Variants in PRRX1 observed in about 807,000 individuals in gnomAD.
PRRX1 encodes the protein paired mesoderm homeobox protein 1.
A neutral mutation model predicts 24.0 loss-of-function variants in PRRX1; 8 were observed. The observed-to-expected ratio is 0.33, with a 90% confidence interval of 0.20 to 0.60. The LOEUF (loss-of-function observed/expected upper bound fraction) is 0.60, where lower values mean the gene tolerates loss of function less well. PRRX1 is among the 20% of genes least tolerant of loss of function. The pLI is 0.82. For synonymous variants in PRRX1, 160 were observed against 131.7 expected, an observed-to-expected ratio of 1.22 and a Z score of -1.47; for missense variants, 281 against 322.4, an observed-to-expected ratio of 0.87 and a Z score of 0.98.
intron 1 of PRRX1, chr1:170,667,905 T>A (rs1050606523): frequency 2.6e-5 from 4 of 152,154 alleles, no homozygotes; most frequent in Non-Finnish European, 5.9e-5. Context: ...AATTCCTAAC[T>A]ATAACCTGGG....
intron 1 of PRRX1, among the ~76,000 whole-genome samples, chr1:170,715,139 A>G (rs1430865986): frequency 2.0e-5 from 3 of 152,184 alleles, no homozygotes; most frequent in African/African-American, 7.2e-5. Context: ...TCTGATAAAG[A>G]AACACTGCAA....
rs1027709811 is a variant in PRRX1 at position 170,736,030 on chromosome 1, T to C, written c.600-18T>C. On this transcript the variant is annotated intron_variant, in intron 3 of 3. Coordinates refer to ENST00000239461, the MANE Select transcript of PRRX1 (RefSeq NM_022716.4). ...CTAATGCCTGTTATTCTCCCTGCTC[T>C]CTCCTTTGTCCCTACAGCGCCATGG... 2 of 1,613,720 alleles carry C rather than the reference T, an allele frequency of 1.2e-6. No homozygotes were observed. The highest frequency in any genetic ancestry group is 2.7e-5 in the African/African-American group (2 of 74,890).
chr1:170,711,802 C>A (rs1157776983), intron 1 of PRRX1, among the ~76,000 whole-genome samples: 1 of 152,128 alleles, frequency 6.6e-6, no homozygotes, highest in Non-Finnish European at 1.5e-5. Flanking sequence ...TAGTCAAATA[C>A]CAGGCACTTC....
chr1:170,727,461 T>C (rs1282421214), intron 3 of PRRX1: 1 of 152,226 alleles, frequency 6.6e-6, no homozygotes, highest in South Asian at 2.1e-4. Flanking sequence ...ACCTTTTTAT[T>C]GTCAAGGTTA....
At chr1:170,723,281 T>G (rs1353371193) in intron 2 of PRRX1, among the ~76,000 whole-genome samples, 1 of 152,236 alleles carries the variant, frequency 6.6e-6, no homozygotes, top group Non-Finnish European at 1.5e-5. Context: ...CGTGGTAATT[T>G]ATGTGTATGT....
In PRRX1 at chr1:170,719,918, G is replaced by T; in HGVS notation, c.417+17G>T. 1 of 1,613,484 alleles carries T rather than the reference G, an allele frequency of 6.2e-7. No individual in the cohort carries two copies. Among genetic ancestry groups the T allele is most frequent in the Non-Finnish European group, 8.5e-7 (1 of 1,179,874 alleles). ...AGAGTGCAGGTAACTCAAGCTGTGA[G>T]AGGCTGGCACCAAGTAGTACCCTCC... On this transcript the variant is annotated intron_variant, in intron 2 of 3. Transcript: ENST00000239461.
chr1:170,709,014 G>A (rs1265666096), intron 1 of PRRX1, among the ~76,000 whole-genome samples: 1 of 152,164 alleles, frequency 6.6e-6, no homozygotes, highest in African/African-American at 2.4e-5. Context: ...AATTCTAAGA[G>A]AAGTACCCAA....
intron 3 of PRRX1, among the ~76,000 whole-genome samples, chr1:170,730,008 G>A (rs12409048): frequency 0.22 from 33,030 of 152,168 alleles, 4,433 homozygotes; most frequent in Middle Eastern, 0.35. Flanking sequence ...AGATGAAGTA[G>A]CCAAGAAACA....
intron 1 of PRRX1, among the ~76,000 whole-genome samples, chr1:170,674,661 T>C (rs567631152): frequency 2.0e-3 from 285 of 142,620 alleles, no homozygotes; most frequent in African/African-American, 6.9e-3. Flanking sequence ...AGTAAGCAAA[T>C]TTTTTTTTTT....
At chr1:170,726,089 C>A in intron 2 of PRRX1, 131 bp from the exon 3 acceptor site, 1 of 901,206 alleles carries the variant, frequency 1.1e-6, no homozygotes, top group Non-Finnish European at 1.8e-6. Flanking sequence ...CGGAGAATTC[C>A]ATAGCCATCT....
chr1:170,720,023 G>T lies in PRRX1; in HGVS notation c.417+122G>T, dbSNP rs529539913. 3.0e-5 allele frequency: 39 copies of T among 1,318,322 alleles called. 2 individuals are homozygous for T. Among genetic ancestry groups the T allele is most frequent in the Admixed American group, 3.8e-5 (2 of 53,190 alleles). The allele number at this position is 1,318,322 out of a possible 1,614,324, so 81.7% of individuals were successfully genotyped here. On this transcript the variant is annotated intron_variant, in intron 2 of 3. Transcript: ENST00000239461. ...TGGCTCATGCCTGCAATCTCAGCAC[G>T]TTGGGAGGTTGAGGCAGGCACATTG...
At chr1:170,678,269 T>C (rs939550852) in intron 1 of PRRX1, among the ~76,000 whole-genome samples, 2 of 152,240 alleles carry the variant, frequency 1.3e-5, no homozygotes, top group African/African-American at 2.4e-5. Context: ...CACTTCTATA[T>C]CATGAAACAT....
At chr1:170,664,697 C>T (rs187943771) in intron 1 of PRRX1, among the ~76,000 whole-genome samples, 2 of 152,342 alleles carry the variant, frequency 1.3e-5, no homozygotes, top group East Asian at 3.9e-4. Context: ...GGGGACACTC[C>T]GAGGCCCTGC....
intron 1 of PRRX1, among the ~76,000 whole-genome samples, chr1:170,693,594 A>T (rs950767835): frequency 5.9e-5 from 9 of 152,160 alleles, no homozygotes; most frequent in African/African-American, 2.2e-4. Context: ...AATAATTTGG[A>T]AATGTATGTT....
At chr1:170,688,481 ATTAAT>A (rs1653819951) in intron 1 of PRRX1, among the ~76,000 whole-genome samples, 1 of 152,076 alleles carries the variant, frequency 6.6e-6, no homozygotes, top group African/African-American at 2.4e-5. Flanking sequence ...ATCCTTGAAA[ATTAAT>A]TTCAGGTGAA....
At chr1:170,714,531 A>AT (rs1208027047) in intron 1 of PRRX1, among the ~76,000 whole-genome samples, 1 of 150,388 alleles carries the variant, frequency 6.6e-6, no homozygotes, top group African/African-American at 2.4e-5. Context: ...TAGGAAACGC[A>AT]TTTTTCTTCA....
At chr1:170,728,760 G>A (rs1450375902) in intron 3 of PRRX1, 2 of 152,114 alleles carry the variant, frequency 1.3e-5, no homozygotes, top group Admixed American at 1.3e-4. Context: ...ATTTCTAAAA[G>A]TAGCAAAAAG....
intron 2 of PRRX1, among the ~76,000 whole-genome samples, 181 bp from the exon 3 acceptor site, chr1:170,726,039 C>T (rs1655242612): frequency 6.6e-6 from 1 of 152,250 alleles, no homozygotes; most frequent in Non-Finnish European, 1.5e-5. Flanking sequence ...AAGAATGGCC[C>T]TCATTGAGGG....
intron 1 of PRRX1, among the ~76,000 whole-genome samples, chr1:170,702,003 G>A (rs1654378020): frequency 6.6e-6 from 1 of 152,044 alleles, no homozygotes; most frequent in Admixed American, 6.6e-5. Flanking sequence ...CCATGGATGG[G>A]GGAAGGCGGG....
Sources: gnomAD v4.1 joint callset for allele counts (sites outside exome capture counted in the v4.1 genomes callset) on GRCh38, gnomAD v4.1.1 for gene constraint, MANE v1.5 for transcripts, NCBI Gene and HGNC (gene_info 2026-07-23, HGNC 2026-07-21) for gene names.